The following EXOC3L2 variants were observed in gnomAD, a reference collection of about 807,000 sequenced individuals.
The protein encoded by EXOC3L2 is exocyst complex component 3-like protein 2.
In EXOC3L2, 17 loss-of-function variants were observed where a neutral mutation model predicts 44.4. The observed-to-expected ratio is 0.38, with a 90% CI of 0.26 to 0.57. EXOC3L2 has a LOEUF of 0.57. Ranked by LOEUF, EXOC3L2 falls within the 20% of genes least tolerant of loss-of-function variation. The pLI is 0.65. For synonymous variants in EXOC3L2, 256 were observed against 253.7 expected (o/e 1.01, Z -0.09); for missense variants, 541 against 588.4 (o/e 0.92, Z 0.83).
Position 45,224,965 on chromosome 19 carries a change from C to A in EXOC3L2, c.1584-52G>T, listed in dbSNP as rs147432288. 1,940 of 1,478,588 alleles carry A rather than the reference C, an allele frequency of 1.3e-3. 24 individuals are homozygous for A. In the African/African-American group the frequency reaches 0.025, roughly 19 times the overall value. 91.6% of individuals were successfully genotyped at this position (1,478,588 alleles called of 1,614,324 possible). On this transcript the variant is annotated intron_variant, in intron 7 of 11. Coordinates refer to ENST00000413988, the MANE Select transcript of EXOC3L2 (RefSeq NM_001382422.1). ...GAGGGACCCCAACATCTCAGCCCAA[C>A]TGCCTAGGCCTGTCTTCCCTTAGGT...
intron 8 of EXOC3L2, among the ~76,000 whole-genome samples, chr19:45,224,189 A>AG (rs34197043): frequency 0.076 from 11,211 of 147,758 alleles, 637 homozygotes; most frequent in African/African-American, 0.14. Flanking sequence ...GGTGGCGGGC[A>AG]GGGCAGGAGA....
intron 9 of EXOC3L2, among the ~76,000 whole-genome samples, chr19:45,217,964 AGT>A (rs1969854813): frequency 6.6e-6 from 1 of 151,852 alleles, no homozygotes; most frequent in Non-Finnish European, 1.5e-5. Flanking sequence ...GCCCTGACTC[AGT>A]CTGCACCCCG....
intron 1 of EXOC3L2, among the ~76,000 whole-genome samples, chr19:45,240,724 C>T (rs552721697): frequency 5.4e-4 from 82 of 152,002 alleles, no homozygotes; most frequent in African/African-American, 1.8e-3. Context: ...GGTGAAACCC[C>T]GTCTCTACTA....
chr19:45,226,500 G>C (rs1304083136), intron 7 of EXOC3L2, among the ~76,000 whole-genome samples: 1 of 152,006 alleles, frequency 6.6e-6, no homozygotes, highest in East Asian at 1.9e-4. Flanking sequence ...GCAGTGACGG[G>C]ATCTTGGCTC....
In EXOC3L2 at chr19:45,219,388, C is replaced by T. The variant is rs1238257222; in HGVS notation, c.1720-1069G>A. On this transcript the variant is annotated intron_variant, in intron 8 of 11. Transcript: ENST00000413988. ...CAGCCTGGGTAACAGAGGGAGGCCC[C>T]GTCTCAAAAAAAAAAAAAAAAAAAA... 6.1e-5 allele frequency among the ~76,000 whole-genome samples: 6 copies of T among 98,316 alleles called. 1 individual carries two copies. Among genetic ancestry groups the T allele is most frequent in the Middle Eastern group, 5.1e-3 (1 of 196 alleles). 64.5% of individuals were successfully genotyped at this position (98,316 alleles called of 152,430 possible).
At chr19:45,240,154 G>C (rs893150118) in intron 1 of EXOC3L2, among the ~76,000 whole-genome samples, 7 of 148,920 alleles carry the variant, frequency 4.7e-5, no homozygotes, top group Non-Finnish European at 1.0e-4. Context: ...ACCCAGGCTG[G>C]AGTGCAATGG....
intron 11 of EXOC3L2, 50 bp from the exon 12 acceptor site, chr19:45,213,407 C>T (rs747576250): frequency 6.9e-6 from 11 of 1,596,606 alleles, no homozygotes; most frequent in Non-Finnish European, 8.5e-6. Flanking sequence ...GCTCTAGACA[C>T]ACACCCAACC....
Position 45,234,251 on chromosome 19 carries a change from T to G in EXOC3L2, c.1099A>C (p.Arg367=). The change falls in exon 3 of 12, where the codon AGG becomes CGG. Residue 367 remains arginine, a synonymous_variant. Coordinates refer to ENST00000413988, the MANE Select transcript of EXOC3L2 (RefSeq NM_001382422.1). This position sits in a 1 kb window ranked among gnomAD's most constrained non-coding sequence, Gnocchi z 5.0. The part of the protein sequence containing the change: ...AEWLGASARR[R]LPLADRYALL... ...GCGTAGCGGTCGGCCAGCGGCAGCC[T>G]GCGACGGGCGGAGGCCCCCAGCCAC... 1 of 396,188 alleles carries G rather than the reference T, an allele frequency of 2.5e-6. No individual in the cohort carries two copies. Among genetic ancestry groups the G allele is most frequent in the Non-Finnish European group, 4.5e-6 (1 of 224,400 alleles). 24.5% of individuals were successfully genotyped at this position (396,188 alleles called of 1,614,324 possible).
chr19:45,225,469 C>T (rs533575251), intron 7 of EXOC3L2, among the ~76,000 whole-genome samples: 4 of 151,804 alleles, frequency 2.6e-5, no homozygotes, highest in African/African-American at 9.7e-5. Context: ...GGGGTTTCAC[C>T]GTGTTAGCCA....
At chr19:45,225,363 G>T (rs1348716592) in intron 7 of EXOC3L2, among the ~76,000 whole-genome samples, 1 of 151,876 alleles carries the variant, frequency 6.6e-6, no homozygotes, top group East Asian at 1.9e-4. Context: ...CCGCCTCCCA[G>T]GTTCATGCCA....
intron 8 of EXOC3L2, among the ~76,000 whole-genome samples, chr19:45,218,691 C>T (rs1969865568): frequency 6.6e-6 from 1 of 151,966 alleles, no homozygotes; most frequent in Non-Finnish European, 1.5e-5. Flanking sequence ...GGGGGAGTGG[C>T]TCAATGGGAG....
At chr19:45,224,360 G>T (rs1056126756) in intron 8 of EXOC3L2, among the ~76,000 whole-genome samples, 1 of 152,062 alleles carries the variant, frequency 6.6e-6, no homozygotes, top group African/African-American at 2.4e-5. Context: ...GGTTGAGCTT[G>T]TGTTACGGCC....
intron 8 of EXOC3L2, among the ~76,000 whole-genome samples, chr19:45,224,285 C>T (rs566544013): frequency 6.6e-6 from 1 of 152,082 alleles, no homozygotes; most frequent in African/African-American, 2.4e-5. Context: ...ATTTGCTCTG[C>T]GTGAGCTGGG....
intron 11 of EXOC3L2, among the ~76,000 whole-genome samples, chr19:45,213,922 C>T (rs1440991648): frequency 6.6e-6 from 1 of 152,006 alleles, no homozygotes; most frequent in African/African-American, 2.4e-5. Context: ...CCACTGCAGT[C>T]CAGCCTGGGT....
At position 45,213,240 on chromosome 19, in the gene EXOC3L2, G is replaced by T; in HGVS notation, c.2238C>A (p.Pro746=). ...CTGCAAAGAAGGCACGGTCCCGAGGGGGTGACAGGGCTCCCTCCTCAGAGA... is the reference window on the plus strand; with the variant it reads ...CTGCAAAGAAGGCACGGTCCCGAGGTGGTGACAGGGCTCCCTCCTCAGAGA... ...LELSEEGALS[P]PRDRAFFADI... The change falls in exon 12 of 12, where the codon CCC becomes CCA. Residue 746 remains proline (P), a synonymous_variant. Transcript: ENST00000413988. 1.2e-6 allele frequency: 2 copies of T among 1,613,266 alleles called. No homozygotes were observed. Among genetic ancestry groups the T allele is most frequent in the South Asian group, 2.2e-5 (2 of 90,998 alleles).
chr19:45,238,880 C>T lies in EXOC3L2; in HGVS notation c.166G>A (p.Ala56Thr), dbSNP rs1329913221. ...AGGCCCGCAAGCTTCTCCAGGGTGG[C>T]GCGGCGGCGACAAGATGTTCCATTG... ...LPNGTSCRRR[A>T]TLEKLAGLAP... The change falls in exon 2 of 12, where the codon GCC becomes ACC. Residue 56 changes from alanine to threonine, a missense_variant. Transcript: ENST00000413988. This position sits in a 1 kb window ranked among gnomAD's most constrained non-coding sequence, Gnocchi z 5.5. 9 of 399,032 alleles carry T rather than the reference C, an allele frequency of 2.3e-5. No individual in the cohort carries two copies. The highest frequency in any genetic ancestry group is 2.2e-4 in the Admixed American group (5 of 22,708). 24.7% of individuals were successfully genotyped at this position (399,032 alleles called of 1,614,324 possible).
chr19:45,234,018 A>G lies in EXOC3L2; in HGVS notation c.1157+175T>C, dbSNP rs895238921. 2.0e-5 allele frequency among the ~76,000 whole-genome samples: 3 copies of G among 152,176 alleles called. No homozygotes were observed. The highest frequency in any genetic ancestry group is 4.4e-5 in the Non-Finnish European group (3 of 68,026). On this transcript the variant is annotated intron_variant, in intron 3 of 11. Transcript: ENST00000413988. The surrounding 1 kb of genome is among the most constrained non-coding windows in gnomAD (Gnocchi z 5.0). ...TGCTGGAACCGGAAGCCTCGGTAGC[A>G]GTGAGAGTCTAGGATTGTAACTGTC...
chr19:45,238,822 C>T lies in EXOC3L2; in HGVS notation c.224G>A (p.Arg75Gln). 2.5e-6 allele frequency: 1 copy of T among 398,900 alleles called. No homozygotes were observed. The highest frequency in any genetic ancestry group is 4.4e-6 in the Non-Finnish European group (1 of 225,960). The allele number at this position is 398,900 out of a possible 1,614,324, so 24.7% of individuals were successfully genotyped here. Residue 75 changes from arginine (R) to glutamine (Q), a missense_variant, in exon 2 of 12, where the codon CGG becomes CAG. Transcript: ENST00000413988. The surrounding 1 kb of genome is among the most constrained non-coding windows in gnomAD (Gnocchi z 5.5). ...APFRLGWAPG[R>Q]RAGSPGDGQP... ...CCCATCCCCAGGGCTGCCTGCCCGC[C>T]GGCCCGGGGCCCAGCCCAGCCGGAA...
intron 7 of EXOC3L2, among the ~76,000 whole-genome samples, chr19:45,226,747 C>CTCT (rs1467930270): frequency 2.2e-5 from 2 of 90,672 alleles, no homozygotes; most frequent in African/African-American, 1.2e-4. Flanking sequence ...ACTCCCATCT[C>CTCT]TTTTTTTTTT....
Sources: allele counts gnomAD v4.1 joint callset (sites outside exome capture counted in the v4.1 genomes callset), GRCh38; gene constraint gnomAD v4.1.1; non-coding constraint Gnocchi (gnomAD v3.1); transcripts MANE v1.5; gene names NCBI Gene and HGNC (gene_info 2026-07-23, HGNC 2026-07-21).